OR51B5: variants seen among roughly 807,000 people sequenced by gnomAD.
OR51B5 encodes olfactory receptor family 51 subfamily B member 5, also known as olfactory receptor 51B5.
For synonymous variants in OR51B5, 186 were observed against 144.8 expected, an observed-to-expected ratio of 1.28 and a Z score of -2.04; for missense variants, 456 against 374.6, an observed-to-expected ratio of 1.22 and a Z score of -1.79.
At position 5,415,453 on chromosome 11, in the gene OR51B5, C is replaced by T. The variant is rs547191267; in HGVS notation, n.85-68543G>A. On this transcript the variant is annotated intron_variant and non_coding_transcript_variant, in intron 1 of 4. Coordinates refer to the OR51B5 transcript ENST00000415970. ...AGCAGAACTAAAGGAAATAGAGACA[C>T]AAAAAACCCTTCAAAAAATTAATGA... is the stretch of plus-strand genomic sequence containing the variant. Among the ~76,000 whole-genome samples, 18 of 151,164 alleles carry T rather than the reference C, an allele frequency of 1.2e-4. No homozygotes were observed. In the East Asian group the frequency reaches 2.7e-3, roughly 23 times the overall value.
chr11:5,440,631 C>A lies in OR51B5; in HGVS notation n.84+64938G>T. On this transcript the variant is annotated intron_variant and non_coding_transcript_variant, in intron 1 of 4. Transcript: ENST00000415970. ...TTTGCGGATCTCCTTGGTTTTCACA[C>A]TGTAGATGATAGGGTTGAGCATGGG... is the stretch of plus-strand genomic sequence containing the variant. The A allele has an allele frequency of 1.9e-6, 3 of 1,613,794 alleles. No homozygotes were observed. The African/African-American group carries it at 4.0e-5, about 22-fold the overall frequency.
At chr11:5,365,519 A>T (rs1225934399) in intron 1 of OR51B5, among the ~76,000 whole-genome samples, 1 of 152,140 alleles carries the variant, frequency 6.6e-6, no homozygotes, top group African/African-American at 2.4e-5. Flanking sequence ...ACAGGATAGG[A>T]TATGGCTGTA....
chr11:5,430,282 GCTTT>G (rs754384344), intron 1 of OR51B5, among the ~76,000 whole-genome samples: 2 of 151,980 alleles, frequency 1.3e-5, no homozygotes, highest in Non-Finnish European at 2.9e-5. Flanking sequence ...ATAGAATTTT[GCTTT>G]ATTTAAATTT....
intron 1 of OR51B5, among the ~76,000 whole-genome samples, chr11:5,386,628 C>T (rs1192797298): frequency 1.3e-5 from 2 of 152,048 alleles, no homozygotes; most frequent in Non-Finnish European, 2.9e-5. Context: ...TTAGTACTTT[C>T]TGCATAATCT....
chr11:5,439,569 A>G (rs894133380), intron 1 of OR51B5, among the ~76,000 whole-genome samples: 1 of 152,220 alleles, frequency 6.6e-6, no homozygotes, highest in Non-Finnish European at 1.5e-5. Context: ...AGAATGTATT[A>G]AAACACAAAC....
intron 1 of OR51B5, among the ~76,000 whole-genome samples, chr11:5,409,720 G>C (rs960780101): frequency 2.0e-5 from 3 of 152,082 alleles, no homozygotes; most frequent in African/African-American, 7.2e-5. Flanking sequence ...AACAATAGAG[G>C]AAAAGGAGGT....
chr11:5,441,161 C>T, intron 1 of OR51B5: 1 of 1,613,992 alleles, frequency 6.2e-7, no homozygotes, highest in South Asian at 1.1e-5. Context: ...AGCTCATGGC[C>T]AGCAGTATGC....
At chr11:5,491,521 G>A (rs551716812) in intron 1 of OR51B5, among the ~76,000 whole-genome samples, 1 of 152,314 alleles carries the variant, frequency 6.6e-6, no homozygotes, top group South Asian at 2.1e-4. Flanking sequence ...AATGGTGCAG[G>A]AAGGAGACAG....
At chr11:5,483,496 T>A in intron 1 of OR51B5, among the ~76,000 whole-genome samples, 2 of 116,896 alleles carry the variant, frequency 1.7e-5, no homozygotes, top group Non-Finnish European at 1.8e-5. Flanking sequence ...ACCCTAAAAC[T>A]TAAAGTATAA....
chr11:5,439,641 C>G (rs1031890439), intron 1 of OR51B5, among the ~76,000 whole-genome samples: 9 of 152,158 alleles, frequency 5.9e-5, no homozygotes, highest in African/African-American at 2.2e-4. Context: ...TCAGAATTTG[C>G]ATCTCTAACA....
At chr11:5,411,776 C>T (rs1850152268) in intron 1 of OR51B5, among the ~76,000 whole-genome samples, 1 of 152,056 alleles carries the variant, frequency 6.6e-6, no homozygotes, top group African/African-American at 2.4e-5. Context: ...AGGGAAATGT[C>T]CTAAGAGGCA....
At chr11:5,480,617 TAATA>T (rs1851403371) in intron 1 of OR51B5, among the ~76,000 whole-genome samples, 1 of 151,442 alleles carries the variant, frequency 6.6e-6, no homozygotes, top group African/African-American at 2.4e-5. Context: ...CTAGCAAGAC[TAATA>T]AAGAAAAAAA....
chr11:5,488,101 T>G (rs545602678), intron 1 of OR51B5, among the ~76,000 whole-genome samples: 2 of 152,270 alleles, frequency 1.3e-5, no homozygotes, highest in Admixed American at 1.3e-4. Flanking sequence ...TTTATTGAAG[T>G]TGTCAAAATG....
At chr11:5,422,096 T>A in intron 1 of OR51B5, 1 of 912,550 alleles carries the variant, frequency 1.1e-6, no homozygotes. Context: ...CTCTGAACAT[T>A]TATTTGTGTA....
At chr11:5,421,707 A>G (rs1159823898) in intron 1 of OR51B5, among the ~76,000 whole-genome samples, 1 of 152,240 alleles carries the variant, frequency 6.6e-6, no homozygotes, top group East Asian at 1.9e-4. Flanking sequence ...AAAAGTAGCA[A>G]TAGGTTTAGA....
chr11:5,455,258 T>C (rs1175936691), intron 1 of OR51B5: 2 of 152,228 alleles, frequency 1.3e-5, no homozygotes, highest in East Asian at 3.9e-4. Context: ...GGGGCACAAT[T>C]TCTATTTCTC....
chr11:5,375,389 G>A (rs987384486), intron 1 of OR51B5, among the ~76,000 whole-genome samples: 4 of 149,780 alleles, frequency 2.7e-5, no homozygotes, highest in African/African-American at 4.9e-5. Flanking sequence ...AGGCCAAAAT[G>A]TGAAGACCAT....
chr11:5,468,869 G>T, intron 1 of OR51B5: 1 of 414,688 alleles, frequency 2.4e-6, no homozygotes, highest in East Asian at 7.1e-5. Flanking sequence ...AATCAGGTCT[G>T]CATGCAGACA....
chr11:5,342,764 A>G lies in OR51B5; in HGVS notation c.761T>C (p.Ile254Thr), dbSNP rs771089918. 22 of 1,613,678 alleles carry G rather than the reference A, an allele frequency of 1.4e-5. No individual in the cohort carries two copies. The highest frequency in any genetic ancestry group is 2.2e-5 in the East Asian group (1 of 44,888). Reference sequence around the variant, plus strand: ...AAAACGATGAATCAGAGACAATCCAATCACTGTGACATAAAAAACCAGGAC... The same window carrying G: ...AAAACGATGAATCAGAGACAATCCAGTCACTGTGACATAAAAAACCAGGAC... The change falls in exon 1 of 1, where the codon ATT becomes ACT. Residue 254 changes from isoleucine (I) to threonine (T), a missense_variant. Physicochemically the swap from Ile to Thr is moderately conservative, Grantham distance 89. Coordinates refer to ENST00000300773, the Ensembl canonical transcript of OR51B5.
Sources: gnomAD v4.1 joint callset for allele counts (sites outside exome capture counted in the v4.1 genomes callset) on GRCh38, gnomAD v4.1.1 for gene constraint, MANE v1.5 for transcripts, NCBI Gene and HGNC (gene_info 2026-07-23, HGNC 2026-07-21) for gene names.